The following ERO1B variants were observed in gnomAD, a reference collection of about 807,000 sequenced individuals.
ERO1B encodes the protein endoplasmic reticulum oxidoreductase 1 beta, also known as ERO1-like protein beta.
In ERO1B, 49 loss-of-function variants were observed where a neutral mutation model predicts 75.3. That is an observed-to-expected ratio of 0.65 (90% CI 0.52 to 0.83). The LOEUF is 0.83. Ranked by LOEUF, ERO1B falls within the 40% of genes least tolerant of loss-of-function variation. The pLI, the probability that ERO1B is intolerant of heterozygous loss-of-function variation, is 0.00. For missense variants in ERO1B, 512 were observed against 560.1 expected, an observed-to-expected ratio of 0.91 and a Z score of 0.87; for synonymous variants, 191 against 192.9, an observed-to-expected ratio of 0.99 and a Z score of 0.08.
chr1:236,221,047 G>GTTA, intron 14 of ERO1B, 82 bp from the exon 15 acceptor site: 1 of 1,028,488 alleles, frequency 9.7e-7, no homozygotes, highest in South Asian at 3.0e-5. Context: ...TATAGCCACT[G>GTTA]TTATGCCAGT....
chr1:236,230,302 A>G, intron 9 of ERO1B, 52 bp from the exon 10 acceptor site: 1 of 1,431,382 alleles, frequency 7.0e-7, no homozygotes, highest in Non-Finnish European at 9.8e-7. Flanking sequence ...TTTATAAAGT[A>G]GAATAAATTA....
At chr1:236,274,342 A>G (rs1373977846) in intron 1 of ERO1B, among the ~76,000 whole-genome samples, 1 of 152,102 alleles carries the variant, frequency 6.6e-6, no homozygotes, top group African/African-American at 2.4e-5. Flanking sequence ...TCTAGTTAGC[A>G]TGAAAGATTA....
chr1:236,250,509 A>G (rs1394857259), intron 4 of ERO1B, among the ~76,000 whole-genome samples: 3 of 148,272 alleles, frequency 2.0e-5, no homozygotes, highest in African/African-American at 7.4e-5. Flanking sequence ...AAAGTTAACA[A>G]TTAGCACTGA....
rs1427467812 is a variant in ERO1B at position 236,234,916 on chromosome 1, GTTAAC to G, written c.673+868_673+872del. The stretch of plus-strand genomic sequence containing the variant: ...TTGAAATATAACGCCACACACGAGT[GTTAAC>G]TTAAAATGTTTCTAATAGCCACATT... On this transcript the variant is annotated intron_variant, in intron 8 of 15. Transcript: ENST00000354619. Among the ~76,000 whole-genome samples the G allele has an allele frequency of 3.3e-5, 5 of 152,268 alleles. No individual in the cohort carries two copies. In the South Asian group the frequency reaches 6.2e-4, roughly 19 times the overall value.
intron 1 of ERO1B, among the ~76,000 whole-genome samples, chr1:236,271,934 G>A (rs891245609): frequency 6.6e-6 from 1 of 151,952 alleles, no homozygotes; most frequent in South Asian, 2.1e-4. Flanking sequence ...TAGGGGATGG[G>A]TTAACAAAGT....
intron 1 of ERO1B, among the ~76,000 whole-genome samples, chr1:236,272,967 C>T (rs1476658739): frequency 6.6e-6 from 1 of 152,150 alleles, no homozygotes; most frequent in Non-Finnish European, 1.5e-5. Context: ...CATAATTTAT[C>T]CATTCTACTC....
In ERO1B at chr1:236,239,911, A is replaced by ATATTTTTTTT. The variant is rs1553371310; in HGVS notation, c.505+3510_505+3511insAAAAAAAATA. The stretch of plus-strand genomic sequence containing the variant: ...TGTGTGTATATATATATATATATAT[A>ATATTTTTTTT]TTTTTTTTTTTTGCGATGAGGCTGA... On this transcript the variant is annotated intron_variant, in intron 6 of 15. Coordinates refer to ENST00000354619, the MANE Select transcript of ERO1B (RefSeq NM_019891.4). Among the ~76,000 whole-genome samples, 17 of 106,948 alleles carry ATATTTTTTTT rather than the reference A, an allele frequency of 1.6e-4. No individual in the cohort carries two copies. The East Asian group carries it at 2.4e-3, about 15-fold the overall frequency. The allele number at this position is 106,948 out of a possible 152,430, so 70.2% of individuals were successfully genotyped here.
chr1:236,228,212 T>C (rs557716990), intron 10 of ERO1B, among the ~76,000 whole-genome samples: 2 of 152,326 alleles, frequency 1.3e-5, no homozygotes, highest in African/African-American at 2.4e-5. Flanking sequence ...GGGAGGCAGT[T>C]ATAATTTGCA....
intron 5 of ERO1B, among the ~76,000 whole-genome samples, chr1:236,248,507 T>C (rs1664939593): frequency 6.6e-6 from 1 of 152,156 alleles, no homozygotes; most frequent in South Asian, 2.1e-4. Flanking sequence ...TAAACATCCA[T>C]CAATAAGTGA....
chr1:236,269,127 C>A (rs964511212), intron 2 of ERO1B, among the ~76,000 whole-genome samples: 1 of 152,114 alleles, frequency 6.6e-6, no homozygotes, highest in Admixed American at 6.5e-5. Flanking sequence ...CCCAGCTACT[C>A]AGAAGGCTGA....
intron 1 of ERO1B, among the ~76,000 whole-genome samples, chr1:236,271,587 T>C (rs1008851399): frequency 6.6e-6 from 1 of 152,082 alleles, no homozygotes; most frequent in African/African-American, 2.4e-5. Flanking sequence ...CTTCAAATCA[T>C]AGCCCCTAAA....
At chr1:236,253,088 T>C (rs527953494) in intron 3 of ERO1B, among the ~76,000 whole-genome samples, 2 of 152,130 alleles carry the variant, frequency 1.3e-5, no homozygotes, top group African/African-American at 2.4e-5. Flanking sequence ...GTTTTTTTTT[T>C]CCTATGAAAC....
At position 236,215,165 on chromosome 1, in the gene ERO1B, A is replaced by T. The variant is rs1663938406; in HGVS notation, c.*3351T>A. Among the ~76,000 whole-genome samples the T allele has an allele frequency of 6.6e-6, 1 of 152,220 alleles. No individual in the cohort carries two copies. The highest frequency in any genetic ancestry group is 1.5e-5 in the Non-Finnish European group (1 of 68,028). ...ATGCTTTTAATTGTTCCCACTTTGT[A>T]GCTGAATGGAAATAGGCCAACTTAC... On this transcript the variant is annotated 3_prime_UTR_variant, in exon 16 of 16. Coordinates refer to ENST00000354619, the MANE Select transcript of ERO1B (RefSeq NM_019891.4).
chr1:236,267,953 C>T (rs549319461), intron 2 of ERO1B: 1 of 151,662 alleles, frequency 6.6e-6, no homozygotes, highest in African/African-American at 2.4e-5. Flanking sequence ...GAACGGTGCA[C>T]CCCTCCGGGG....
At chr1:236,257,241 A>C (rs1234476090) in intron 2 of ERO1B, among the ~76,000 whole-genome samples, 1 of 152,248 alleles carries the variant, frequency 6.6e-6, no homozygotes, top group South Asian at 2.1e-4. Flanking sequence ...CACCTGGTAC[A>C]TAAGACCAGT....
chr1:236,279,644 C>A (rs1275281936), intron 1 of ERO1B, among the ~76,000 whole-genome samples: 2 of 146,990 alleles, frequency 1.4e-5, no homozygotes, highest in Non-Finnish European at 3.0e-5. Flanking sequence ...GCTCGGCCAA[C>A]ATGGCAAAAC....
intron 12 of ERO1B, 89 bp from the exon 13 acceptor site, chr1:236,225,228 A>G (rs1002463455): frequency 8.2e-7 from 1 of 1,221,564 alleles, no homozygotes; most frequent in African/African-American, 1.5e-5. Context: ...TATCCTTATG[A>G]ATATTTAAAA....
Position 236,236,343 on chromosome 1 carries a change from G to T in ERO1B, c.561C>A (p.Tyr187Ter). The change falls in exon 7 of 16, where the codon TAC becomes TAA. Residue 187 changes from tyrosine to a stop codon, truncating the protein, a stop_gained. Coordinates refer to ENST00000354619, the MANE Select transcript of ERO1B (RefSeq NM_019891.4). LOFTEE classifies it high-confidence loss of function. ...ATGCAGAGGTCCCTTTATAGCCAGT[G>T]TAACGCTCTGGGTTCAGCAATAGGT... is the stretch of plus-strand genomic sequence containing the variant. ...YVDLLLNPER[Y>*]TGYKGTSAWR... The T allele has an allele frequency of 1.2e-6, 2 of 1,613,850 alleles. No homozygotes were observed. Among genetic ancestry groups the T allele is most frequent in the Non-Finnish European group, 1.7e-6 (2 of 1,179,938 alleles).
chr1:236,274,546 T>C (rs1665669127), intron 1 of ERO1B, among the ~76,000 whole-genome samples: 1 of 152,210 alleles, frequency 6.6e-6, no homozygotes, highest in Non-Finnish European at 1.5e-5. Flanking sequence ...TCCAATTAGA[T>C]GTATTAGACA....
Sources: gnomAD v4.1 joint callset for allele counts (sites outside exome capture counted in the v4.1 genomes callset) on GRCh38, gnomAD v4.1.1 for gene constraint, MANE v1.5 for transcripts, NCBI Gene and HGNC (gene_info 2026-07-23, HGNC 2026-07-21) for gene names.